HTR4: variants seen among roughly 807,000 people sequenced by gnomAD.
HTR4 encodes the protein 5-hydroxytryptamine receptor 4, also known as 5-hydroxytryptamine (serotonin) receptor 4, G protein-coupled.
A neutral mutation model predicts 36.8 loss-of-function variants in HTR4; 16 were observed. The ratio of observed to expected loss-of-function variants is 0.43; its 90% CI spans 0.29 to 0.66. The LOEUF (loss-of-function observed/expected upper bound fraction) is 0.66. Among genes scored for constraint, HTR4 ranks in the 30% least tolerant of loss-of-function variants. HTR4 has a pLI of 0.13. For synonymous variants in HTR4, 189 were observed against 185.1 expected (o/e 1.02, Z -0.17); for missense variants, 438 against 490.9 (o/e 0.89, Z 1.02).
chr5:148,572,068 G>T (rs967981590), intron 2 of HTR4, among the ~76,000 whole-genome samples: 2 of 152,064 alleles, frequency 1.3e-5, no homozygotes, highest in African/African-American at 4.8e-5. Context: ...TTTGTGGTTA[G>T]CTTGAAAATA....
At chr5:148,611,115 C>A (rs1272177266) in intron 2 of HTR4, among the ~76,000 whole-genome samples, 1 of 146,624 alleles carries the variant, frequency 6.8e-6, no homozygotes, top group Non-Finnish European at 1.5e-5. Context: ...AGGATATTAT[C>A]CAGGAGAATT....
intron 2 of HTR4, among the ~76,000 whole-genome samples, chr5:148,567,768 T>C (rs2113875861): frequency 6.6e-6 from 1 of 152,278 alleles, no homozygotes; most frequent in Admixed American, 6.5e-5. Flanking sequence ...TCAAAGAGCA[T>C]TTTCCTGACT....
intron 1 of HTR4, among the ~76,000 whole-genome samples, chr5:148,650,605 G>A (rs1196781416): frequency 6.6e-6 from 1 of 152,094 alleles, no homozygotes; most frequent in African/African-American, 2.4e-5. Context: ...ATTTTGACAA[G>A]AGAAGAAATT....
chr5:148,567,475 T>C (rs1365483358), intron 2 of HTR4, among the ~76,000 whole-genome samples: 3 of 152,176 alleles, frequency 2.0e-5, no homozygotes, highest in Non-Finnish European at 4.4e-5. Flanking sequence ...AATTATTCAA[T>C]GGCTTCCCAG....
At chr5:148,479,935 C>T (rs1755823803), downstream of HTR4, among the ~76,000 whole-genome samples, 1 of 152,126 alleles carries the variant, frequency 6.6e-6, no homozygotes, top group Admixed American at 6.6e-5. Flanking sequence ...CCACAATTAA[C>T]AATCATATAC....
intron 6 of HTR4, among the ~76,000 whole-genome samples, chr5:148,484,585 C>T (rs1390349685): frequency 6.6e-6 from 1 of 152,014 alleles, no homozygotes; most frequent in Non-Finnish European, 1.5e-5. Context: ...TTTTTAAGCC[C>T]CTGAGATATG....
chr5:148,601,618 C>T (rs1761998512), intron 2 of HTR4, among the ~76,000 whole-genome samples: 1 of 151,968 alleles, frequency 6.6e-6, no homozygotes, highest in African/African-American at 2.4e-5. Context: ...CTGGGCAACA[C>T]AGTGAAACCT....
rs904075458 is a variant in HTR4 at position 148,516,608 on chromosome 5, G to A, written c.508-6584C>T. On this transcript the variant is annotated intron_variant, in intron 5 of 6. Coordinates refer to ENST00000377888, the MANE Select transcript of HTR4 (RefSeq NM_000870.7). The stretch of plus-strand genomic sequence containing the variant: ...GCTGGGATTACAGGCGTGAGCCACC[G>A]CACCTGGCCAAAAATTCCCTTTTTT... 9.3e-5 allele frequency among the ~76,000 whole-genome samples: 14 copies of A among 150,102 alleles called. No individual in the cohort carries two copies. The East Asian group carries it at 2.3e-3, about 25-fold the overall frequency.
At chr5:148,506,538 T>G (rs1757224900) in intron 6 of HTR4, among the ~76,000 whole-genome samples, 2 of 152,066 alleles carry the variant, frequency 1.3e-5, no homozygotes, top group South Asian at 2.1e-4. Flanking sequence ...CTAATTAAAC[T>G]AAAGAGCTTC....
intron 2 of HTR4, among the ~76,000 whole-genome samples, chr5:148,624,252 G>A (rs899853164): frequency 6.6e-6 from 1 of 152,132 alleles, no homozygotes; most frequent in Non-Finnish European, 1.5e-5. Flanking sequence ...TGGTAGTCAG[G>A]GATCTGAGCA....
chr5:148,570,337 C>T (rs562721857), intron 2 of HTR4, among the ~76,000 whole-genome samples: 1 of 152,204 alleles, frequency 6.6e-6, no homozygotes, highest in South Asian at 2.1e-4. Context: ...AGCTCAGAGG[C>T]TACTGAAGGA....
intron 1 of HTR4, among the ~76,000 whole-genome samples, chr5:148,648,697 C>T (rs929778964): frequency 1.3e-5 from 2 of 151,860 alleles, no homozygotes; most frequent in Admixed American, 6.5e-5. Flanking sequence ...AAAAATTTAC[C>T]GCAACCACAA....
chr5:148,579,605 G>C (rs1173969890), intron 2 of HTR4, among the ~76,000 whole-genome samples: 8 of 152,042 alleles, frequency 5.3e-5, no homozygotes, highest in Non-Finnish European at 2.9e-5. Flanking sequence ...CTAAAATTAA[G>C]ATGTAGGTAG....
At chr5:148,509,049 T>C in intron 6 of HTR4, among the ~76,000 whole-genome samples, 1 of 152,256 alleles carries the variant, frequency 6.6e-6, no homozygotes, top group South Asian at 2.1e-4. Flanking sequence ...AGTAACACCT[T>C]TAAATAATAA....
intron 6 of HTR4, chr5:148,484,151 G>A (rs1406825258): frequency 8.2e-7 from 1 of 1,212,862 alleles, no homozygotes; most frequent in Non-Finnish European, 1.1e-6. Flanking sequence ...CACATAGGAA[G>A]ATCAAATAAT....
At chr5:148,601,235 T>G (rs2127268983) in intron 2 of HTR4, among the ~76,000 whole-genome samples, 1 of 152,134 alleles carries the variant, frequency 6.6e-6, no homozygotes, top group African/African-American at 2.4e-5. Flanking sequence ...ACTACACTGG[T>G]GATGGAACTG....
chr5:148,476,679 T>C, downstream of HTR4: 1 of 1,589,926 alleles, frequency 6.3e-7, no homozygotes. Flanking sequence ...TACAAAAACC[T>C]GTGTTGGGCA....
intron 2 of HTR4, among the ~76,000 whole-genome samples, chr5:148,567,750 T>C (rs1024357241): frequency 3.9e-5 from 6 of 152,266 alleles, no homozygotes; most frequent in Middle Eastern, 3.4e-3. Context: ...TGCTCAAAGG[T>C]GTCCCCATCA....
At chr5:148,547,183 G>T (rs867327859) in intron 4 of HTR4, among the ~76,000 whole-genome samples, 1 of 152,158 alleles carries the variant, frequency 6.6e-6, no homozygotes, top group African/African-American at 2.4e-5. Flanking sequence ...CCCTCAGCTG[G>T]TTTCAGTCTC....
Sources: allele counts gnomAD v4.1 joint callset (sites outside exome capture counted in the v4.1 genomes callset), GRCh38; gene constraint gnomAD v4.1.1; transcripts MANE v1.5; gene names NCBI Gene and HGNC (gene_info 2026-07-23, HGNC 2026-07-21).